The following CSMD1 variants were observed in gnomAD, a reference collection of about 807,000 sequenced individuals.
CSMD1 encodes the protein CUB and sushi domain-containing protein 1.
A neutral mutation model predicts 417.5 loss-of-function variants in CSMD1; 213 were observed. That is an observed-to-expected ratio of 0.51 (90% CI 0.46 to 0.57). CSMD1 has a LOEUF of 0.57. Ranked by LOEUF, CSMD1 falls within the 20% of genes least tolerant of loss-of-function variation. CSMD1 has a pLI of 0.00. For synonymous variants in CSMD1, 2,862 were observed against 1,736.8 expected, an observed-to-expected ratio of 1.65 and a Z score of -16.11; for missense variants, 6,923 against 4,529.7, an observed-to-expected ratio of 1.53 and a Z score of -15.17.
chr8:4,229,231 G>A (rs1317578661), intron 3 of CSMD1, among the ~76,000 whole-genome samples: 4 of 152,134 alleles, frequency 2.6e-5, no homozygotes, highest in Non-Finnish European at 5.9e-5. Context: ...TGGCCAATTT[G>A]GCTAGTCCTA....
chr8:4,942,614 C>T (rs558618839), intron 1 of CSMD1, among the ~76,000 whole-genome samples: 49 of 152,194 alleles, frequency 3.2e-4, no homozygotes, highest in African/African-American at 9.9e-4. Flanking sequence ...ACTAATGTTC[C>T]AATATGGATC....
chr8:3,627,527 G>T (rs139783750), intron 7 of CSMD1, among the ~76,000 whole-genome samples: 49 of 152,120 alleles, frequency 3.2e-4, no homozygotes, highest in African/African-American at 1.1e-3. Flanking sequence ...ACTACTTTTA[G>T]TATGTTCCTC....
chr8:4,629,558 C>T (rs1802383337), intron 2 of CSMD1, among the ~76,000 whole-genome samples: 1 of 152,164 alleles, frequency 6.6e-6, no homozygotes, highest in Non-Finnish European at 1.5e-5. Context: ...AATATTTTAA[C>T]TTGTCGTTTG....
At chr8:3,391,519 C>G (rs182496357) in intron 17 of CSMD1, among the ~76,000 whole-genome samples, 251 of 152,316 alleles carry the variant, frequency 1.6e-3, no homozygotes, top group Admixed American at 2.0e-3. Context: ...TATACAGACA[C>G]TGTGCCACAT....
In CSMD1 at chr8:3,885,117, G is replaced by A. The variant is rs550239237; in HGVS notation, c.818+112786C>T. On this transcript the variant is annotated intron_variant, in intron 5 of 69. Transcript: ENST00000635120. ...TACATGCTTATCAGATACATTTGTC[G>A]AAACTGTGTACCTCATTAACAAGAT... is the stretch of plus-strand genomic sequence containing the variant. Among the ~76,000 whole-genome samples the A allele has an allele frequency of 1.3e-3, 193 of 151,976 alleles. 1 individual carries two copies. Among genetic ancestry groups the A allele is most frequent in the Admixed American group, 1.4e-3 (21 of 15,240 alleles).
chr8:4,299,720 T>A (rs1797878194), intron 3 of CSMD1, among the ~76,000 whole-genome samples: 6 of 152,204 alleles, frequency 3.9e-5, no homozygotes, highest in Admixed American at 3.9e-4. Context: ...AACCCCTGAC[T>A]CCCCATTTCA....
intron 3 of CSMD1, among the ~76,000 whole-genome samples, chr8:4,397,801 T>C (rs968568884): frequency 1.3e-5 from 2 of 152,148 alleles, no homozygotes; most frequent in Non-Finnish European, 2.9e-5. Flanking sequence ...CAATATTACA[T>C]GCTAATTATA....
chr8:4,339,891 G>A (rs953884064), intron 3 of CSMD1, among the ~76,000 whole-genome samples: 1 of 152,028 alleles, frequency 6.6e-6, no homozygotes, highest in African/African-American at 2.4e-5. Context: ...CTGGCATGGT[G>A]GCACGCACCA....
At chr8:4,067,747 G>T (rs745895307) in intron 3 of CSMD1, among the ~76,000 whole-genome samples, 1 of 152,044 alleles carries the variant, frequency 6.6e-6, no homozygotes, top group South Asian at 2.1e-4. Flanking sequence ...GTTATTCTTT[G>T]GACAACTAAT....
intron 25 of CSMD1, among the ~76,000 whole-genome samples, chr8:3,289,663 T>G (rs925857633): frequency 4.2e-5 from 6 of 141,628 alleles, no homozygotes; most frequent in Non-Finnish European, 8.9e-5. Context: ...GCCCACTTTT[T>G]GATGGGGTTG....
chr8:3,239,453 A>G (rs1298374015), intron 26 of CSMD1, among the ~76,000 whole-genome samples: 1 of 152,204 alleles, frequency 6.6e-6, no homozygotes, highest in African/African-American at 2.4e-5. Context: ...TTATCCAGTG[A>G]AAGTGTCTAC....
At chr8:3,068,039 G>A (rs1226917756) in intron 49 of CSMD1, among the ~76,000 whole-genome samples, 1 of 151,956 alleles carries the variant, frequency 6.6e-6, no homozygotes, top group Admixed American at 6.6e-5. Flanking sequence ...AATATTTTAT[G>A]GTTTGCCTTT....
chr8:3,125,858 C>T (rs7830055), intron 41 of CSMD1, among the ~76,000 whole-genome samples: 28,304 of 152,030 alleles, frequency 0.19, 4,487 homozygotes, highest in African/African-American at 0.43. Flanking sequence ...ATGCCTGTAA[C>T]CCCAGCTACT....
At chr8:4,269,108 G>A (rs1053218706) in intron 3 of CSMD1, among the ~76,000 whole-genome samples, 2 of 152,162 alleles carry the variant, frequency 1.3e-5, no homozygotes, top group African/African-American at 4.8e-5. Flanking sequence ...CCAGGCTGGA[G>A]TGCAGTGGTG....
At chr8:3,312,404 C>G (rs1043720809) in intron 23 of CSMD1, among the ~76,000 whole-genome samples, 1 of 152,156 alleles carries the variant, frequency 6.6e-6, no homozygotes, top group African/African-American at 2.4e-5. Context: ...GTAAAAAGCT[C>G]TATAACTTAA....
intron 1 of CSMD1, among the ~76,000 whole-genome samples, chr8:4,829,345 G>A (rs117154287): frequency 4.3e-4 from 65 of 152,142 alleles, no homozygotes; most frequent in African/African-American, 1.3e-3. Flanking sequence ...CCTACATTAC[G>A]TGTCTATACT....
At chr8:4,583,471 T>C (rs1799545607) in intron 2 of CSMD1, among the ~76,000 whole-genome samples, 1 of 151,908 alleles carries the variant, frequency 6.6e-6, no homozygotes, top group Non-Finnish European at 1.5e-5. Context: ...TGATGGGGCC[T>C]TGGAGAACCT....
At position 4,540,634 on chromosome 8, in the gene CSMD1, G is replaced by C. The variant is rs183936460; in HGVS notation, c.302+96708C>G. 1.3e-3 allele frequency among the ~76,000 whole-genome samples: 191 copies of C among 152,292 alleles called. 1 individual carries two copies. The highest frequency in any genetic ancestry group is 2.9e-3 in the Admixed American group (45 of 15,298). On this transcript the variant is annotated intron_variant, in intron 2 of 69. Transcript: ENST00000635120. Reference sequence around the variant, plus strand: ...TGAAAATAAACCTTGAGAGGGGCCAGACATGGGAGCACCTAACAGTGTACA... The same window carrying C: ...TGAAAATAAACCTTGAGAGGGGCCACACATGGGAGCACCTAACAGTGTACA...
intron 1 of CSMD1, among the ~76,000 whole-genome samples, chr8:4,962,454 TC>T (rs1450590286): frequency 1.3e-5 from 2 of 152,136 alleles, no homozygotes; most frequent in Non-Finnish European, 2.9e-5. Flanking sequence ...CAAAGGATCT[TC>T]CCACCTAGGC....
Sources: gnomAD v4.1 joint callset for allele counts (sites outside exome capture counted in the v4.1 genomes callset) on GRCh38, gnomAD v4.1.1 for gene constraint, MANE v1.5 for transcripts, NCBI Gene and HGNC (gene_info 2026-07-23, HGNC 2026-07-21) for gene names.